The following GALNT13 variants were observed in gnomAD, a reference collection of about 807,000 sequenced individuals.
GALNT13 encodes UDP-GalNAc:polypeptide N-acetylgalactosaminyltransferase 13.
GALNT13 carries 28 observed loss-of-function variants against 64.2 expected under a neutral mutation model. The observed-to-expected ratio is 0.44, with a 90% CI of 0.32 to 0.60. GALNT13 has a LOEUF of 0.60. GALNT13 is among the 20% of genes least tolerant of loss of function. GALNT13 has a pLI of 0.05. For synonymous variants in GALNT13, 214 were observed against 224.6 expected, an observed-to-expected ratio of 0.95 and a Z score of 0.42; for missense variants, 577 against 669.8, an observed-to-expected ratio of 0.86 and a Z score of 1.53.
intron 11 of GALNT13, among the ~76,000 whole-genome samples, chr2:154,430,790 T>C (rs893025049): frequency 6.6e-6 from 1 of 152,166 alleles, no homozygotes. Context: ...CACCTAACTT[T>C]CATCAGTCAC....
At chr2:154,126,411 A>G (rs1248204896) in intron 3 of GALNT13, among the ~76,000 whole-genome samples, 1 of 152,102 alleles carries the variant, frequency 6.6e-6, no homozygotes. Context: ...CGAGGCGGGC[A>G]GATCACGAGG....
chr2:153,957,699 A>T (rs974980398), intron 3 of GALNT13, among the ~76,000 whole-genome samples: 1 of 152,200 alleles, frequency 6.6e-6, no homozygotes, highest in East Asian at 1.9e-4. Flanking sequence ...CTCATGATAG[A>T]TAACTCTTAG....
At chr2:153,630,793 ATATATATATATATATTT>A in the GALNT13 span, among the ~76,000 whole-genome samples, 18 of 13,240 alleles carry the variant, frequency 1.4e-3, no homozygotes, top group African/African-American at 4.7e-3. Context: ...ATATATATAT[ATATATATATATATATTT>A]TTTTTTTTTT....
the GALNT13 span, among the ~76,000 whole-genome samples, chr2:153,381,584 T>C: frequency 2.0e-5 from 3 of 151,830 alleles, no homozygotes; most frequent in South Asian, 2.1e-4. Context: ...ACACTAGAGG[T>C]AAGGCTGATA....
intron 3 of GALNT13, among the ~76,000 whole-genome samples, chr2:153,993,821 ACC>A (rs573767150): frequency 1.8e-4 from 27 of 151,726 alleles, no homozygotes; most frequent in Admixed American, 1.4e-3. Context: ...ATGTAGGTAA[ACC>A]CCCTGTGCAA....
At chr2:154,159,023 ACTT>A (rs1417398818) in intron 4 of GALNT13, among the ~76,000 whole-genome samples, 3 of 151,868 alleles carry the variant, frequency 2.0e-5, no homozygotes, top group African/African-American at 7.3e-5. Context: ...TGTTTTACTT[ACTT>A]CTTTTCTTTA....
At chr2:153,502,528 C>T in the GALNT13 span, among the ~76,000 whole-genome samples, 1 of 152,174 alleles carries the variant, frequency 6.6e-6, no homozygotes, top group South Asian at 2.1e-4. Context: ...TTTGCAATTG[C>T]AAATTGTGCT....
chr2:153,917,457 T>C (rs1359528650), intron 2 of GALNT13, among the ~76,000 whole-genome samples: 1 of 152,262 alleles, frequency 6.6e-6, no homozygotes, highest in South Asian at 2.1e-4. Flanking sequence ...GACTTTATGA[T>C]AATATAATTT....
the GALNT13 span, among the ~76,000 whole-genome samples, chr2:153,499,262 CAA>C: frequency 6.6e-6 from 1 of 152,176 alleles, no homozygotes; most frequent in Non-Finnish European, 1.5e-5. Flanking sequence ...TCAGGAGACC[CAA>C]AATGGGTGGC....
At chr2:153,780,226 T>TGC in the GALNT13 span, among the ~76,000 whole-genome samples, 17 of 7,586 alleles carry the variant, frequency 2.2e-3, no homozygotes, top group Admixed American at 0.035. Flanking sequence ...TATATATATA[T>TGC]ATATATATAT....
At chr2:154,114,601 C>T (rs555342197) in intron 3 of GALNT13, among the ~76,000 whole-genome samples, 13 of 151,986 alleles carry the variant, frequency 8.6e-5, no homozygotes, top group South Asian at 4.1e-4. Flanking sequence ...TTAAGGGGAC[C>T]GGGACTCCCC....
chr2:153,147,698 A>T, the GALNT13 span, among the ~76,000 whole-genome samples: 1 of 151,764 alleles, frequency 6.6e-6, no homozygotes, highest in South Asian at 2.1e-4. Flanking sequence ...GAAACTAAAG[A>T]CAATGGATTT....
intron 10 of GALNT13, among the ~76,000 whole-genome samples, chr2:154,396,372 A>T (rs183432046): frequency 1.3e-5 from 2 of 152,252 alleles, no homozygotes; most frequent in African/African-American, 4.8e-5. Context: ...GCTTTTGGTC[A>T]TTTACGTTCT....
the GALNT13 span, among the ~76,000 whole-genome samples, chr2:153,759,059 T>G: frequency 6.6e-6 from 1 of 152,214 alleles, no homozygotes; most frequent in African/African-American, 2.4e-5. Flanking sequence ...TCTTAGTAGC[T>G]GCTGTAAATG....
the GALNT13 span, among the ~76,000 whole-genome samples, chr2:153,726,599 G>A: frequency 2.6e-5 from 4 of 152,066 alleles, no homozygotes; most frequent in Non-Finnish European, 5.9e-5. Context: ...TTAAAGATAT[G>A]TACGAATAAA....
the GALNT13 span, among the ~76,000 whole-genome samples, chr2:153,573,738 A>G: frequency 6.6e-6 from 1 of 152,052 alleles, no homozygotes; most frequent in Non-Finnish European, 1.5e-5. Flanking sequence ...TATATGCCTT[A>G]ATTTCATCCC....
At chr2:153,670,007 T>C in the GALNT13 span, among the ~76,000 whole-genome samples, 28 of 152,174 alleles carry the variant, frequency 1.8e-4, 1 homozygote, top group African/African-American at 6.3e-4. Flanking sequence ...AGTAGGTGGT[T>C]CTATGCTCAC....
chr2:153,664,050 C>T, the GALNT13 span, among the ~76,000 whole-genome samples: 2 of 152,140 alleles, frequency 1.3e-5, no homozygotes, highest in Non-Finnish European at 2.9e-5. Flanking sequence ...GATGAGGTTC[C>T]ATGTCCCGCT....
chr2:153,148,761 T>C, the GALNT13 span, among the ~76,000 whole-genome samples: 3 of 151,994 alleles, frequency 2.0e-5, no homozygotes, highest in African/African-American at 7.2e-5. Flanking sequence ...CAACAGAATG[T>C]TATTTCTAAT....
Sources: gnomAD v4.1 joint callset for allele counts (sites outside exome capture counted in the v4.1 genomes callset) on GRCh38, gnomAD v4.1.1 for gene constraint, MANE v1.5 for transcripts, NCBI Gene and HGNC (gene_info 2026-07-23, HGNC 2026-07-21) for gene names.